SCG3: variants seen among roughly 807,000 people sequenced by gnomAD.
SCG3 encodes the protein secretogranin III, also known as secretogranin-3.
In SCG3, 38 loss-of-function variants were observed where a neutral mutation model predicts 56.2. The ratio of observed to expected loss-of-function variants is 0.68; its 90% CI spans 0.52 to 0.89. The LOEUF is 0.89. Ranked by LOEUF, SCG3 falls within the 40% of genes least tolerant of loss-of-function variation. The pLI, the probability that SCG3 is intolerant of heterozygous loss-of-function variation, is 0.00. For missense variants in SCG3, 524 were observed against 540.7 expected (o/e 0.97, Z 0.31); for synonymous variants, 176 against 184.2 (o/e 0.96, Z 0.36).
intron 4 of SCG3, among the ~76,000 whole-genome samples, chr15:51,686,917 C>G (rs1406305030): frequency 2.0e-5 from 3 of 152,074 alleles, no homozygotes; most frequent in Non-Finnish European, 4.4e-5. Context: ...CTGCATATAC[C>G]TCTATTTTCA....
chr15:51,699,450 T>C, intron 9 of SCG3, 48 bp downstream of exon 9: 1 of 1,178,322 alleles, frequency 8.5e-7, no homozygotes, highest in African/African-American at 1.6e-5. Context: ...ATAACCCTTT[T>C]GAGTGGTAAA....
Position 51,720,494 on chromosome 15 carries a change from T to C in SCG3, c.*968T>C, listed in dbSNP as rs971228780. ...GTGGCGCAAGGTCCTCTTGAAATGT[T>C]AATGGTTAATGTTCCCAAACCAGAG... On this transcript the variant is annotated 3_prime_UTR_variant, in exon 12 of 12. Transcript: ENST00000220478. 1 of 152,284 alleles carries C rather than the reference T, an allele frequency of 6.6e-6. No individual in the cohort carries two copies. Among genetic ancestry groups the C allele is most frequent in the Non-Finnish European group, 1.5e-5 (1 of 68,060 alleles). 9.4% of individuals were successfully genotyped at this position (152,284 alleles called of 1,614,324 possible).
intron 1 of SCG3, among the ~76,000 whole-genome samples, 164 bp from the exon 2 acceptor site, chr15:51,682,353 T>G (rs946059189): frequency 1.1e-4 from 17 of 152,168 alleles, no homozygotes; most frequent in African/African-American, 3.9e-4. Flanking sequence ...ATAATTACTA[T>G]TATTGTATAA....
In SCG3 at chr15:51,682,564, GA is replaced by G; in HGVS notation, c.132del (p.Glu44AspfsTer32). On this transcript the variant is annotated frameshift_variant, in exon 2 of 12. Transcript: ENST00000220478. LOFTEE classifies it high-confidence loss of function. ...ATTAAGTGCAGAAAGACCTTTGAAT[GA>G]ACAGGTAGGTCAAAAGTAACATTAT... is the stretch of plus-strand genomic sequence containing the variant. ...RELSAERPLN[E>X]QIAEAEEDKI... 7.0e-7 allele frequency: 1 copy of G among 1,420,964 alleles called. No homozygotes were observed. 88.0% of individuals were successfully genotyped at this position (1,420,964 alleles called of 1,614,324 possible).
chr15:51,712,908 A>G (rs2055429763), intron 10 of SCG3, among the ~76,000 whole-genome samples: 1 of 152,160 alleles, frequency 6.6e-6, no homozygotes, highest in African/African-American at 2.4e-5. Context: ...AAGTGATGGA[A>G]TCTTTAAGTA....
chr15:51,687,782 G>A (rs1427474985), intron 4 of SCG3, among the ~76,000 whole-genome samples: 2 of 152,172 alleles, frequency 1.3e-5, no homozygotes, highest in African/African-American at 2.4e-5. Context: ...CTGGGTGTGA[G>A]GTAGAAGTCC....
chr15:51,692,371 A>G (rs1348235687), intron 7 of SCG3, 35 bp downstream of exon 7: 1 of 1,570,068 alleles, frequency 6.4e-7, no homozygotes, highest in South Asian at 1.2e-5. Context: ...TGTGGAACAG[A>G]AAGAGTGATT....
At chr15:51,694,249 T>C (rs1027375656) in intron 7 of SCG3, among the ~76,000 whole-genome samples, 1 of 151,902 alleles carries the variant, frequency 6.6e-6, no homozygotes, top group African/African-American at 2.4e-5. Context: ...CAAAATATCA[T>C]CTCTGTTGCT....
Position 51,688,249 on chromosome 15 carries a change from G to A in SCG3, c.398-11G>A, listed in dbSNP as rs377094445. ...ATCACTATGGTGTGAAGTTGTGGTC[G>A]TTCTGTCTAGATGATCCAGATGGTC... On this transcript the variant is annotated splice_polypyrimidine_tract_variant and intron_variant, in intron 4 of 11. Coordinates refer to ENST00000220478, the MANE Select transcript of SCG3 (RefSeq NM_013243.4). 131 of 1,607,298 alleles carry A rather than the reference G, an allele frequency of 8.2e-5. No homozygotes were observed. Among genetic ancestry groups the A allele is most frequent in the African/African-American group, 5.5e-4 (41 of 74,898 alleles).
In SCG3 at chr15:51,689,369, G is replaced by T; in HGVS notation, c.690+1G>T. The T allele has an allele frequency of 1.9e-6, 3 of 1,609,346 alleles. No homozygotes were observed. The highest frequency in any genetic ancestry group is 2.5e-6 in the Non-Finnish European group (3 of 1,178,098). On this transcript the variant is annotated splice_donor_variant, in intron 6 of 11. Transcript: ENST00000220478. LOFTEE classifies it high-confidence loss of function. ...GGCTGGAAAAATACCAGAGAAAGTG[G>T]TATGTATGTGTATATATGCATATGC... is the stretch of plus-strand genomic sequence containing the variant.
intron 10 of SCG3, among the ~76,000 whole-genome samples, chr15:51,706,741 C>G (rs1399889410): frequency 2.6e-5 from 4 of 151,994 alleles, no homozygotes; most frequent in Non-Finnish European, 4.4e-5. Context: ...GTTTACAAAG[C>G]ACGTTTCTAT....
chr15:51,711,005 T>C (rs1446933667), intron 10 of SCG3, among the ~76,000 whole-genome samples: 1 of 152,146 alleles, frequency 6.6e-6, no homozygotes, highest in East Asian at 1.9e-4. Context: ...GAAGCACCAC[T>C]GCAGGGTAGG....
At chr15:51,706,194 T>C (rs1002612768) in intron 10 of SCG3, among the ~76,000 whole-genome samples, 35 of 152,028 alleles carry the variant, frequency 2.3e-4, no homozygotes, top group Non-Finnish European at 3.5e-4. Flanking sequence ...TCCATGTGAG[T>C]GGAGGCAGGG....
At chr15:51,698,995 C>T (rs1455908555) in intron 8 of SCG3, among the ~76,000 whole-genome samples, 1 of 152,180 alleles carries the variant, frequency 6.6e-6, no homozygotes, top group Non-Finnish European at 1.5e-5. Context: ...GCAGTTACCA[C>T]AAGGTGTTGA....
intron 11 of SCG3, among the ~76,000 whole-genome samples, chr15:51,713,876 TG>T (rs2055436866): frequency 6.6e-6 from 1 of 152,188 alleles, no homozygotes; most frequent in African/African-American, 2.4e-5. Flanking sequence ...GTGCCAGAGA[TG>T]TCCCGCCCAA....
chr15:51,692,251 G>A lies in SCG3; in HGVS notation c.783G>A (p.Arg261=), dbSNP rs769263335. The change falls in exon 7 of 12, where the codon AGG becomes AGA. Residue 261 remains arginine, a synonymous_variant. Coordinates refer to ENST00000220478, the MANE Select transcript of SCG3 (RefSeq NM_013243.4). ...TAACCTTGACAAATGGCTTGGAAAG[G>A]AGAACTAAAACCTACAGTGAAGACA... The part of the protein sequence containing the change: ...NTLTLTNGLE[R]RTKTYSEDNF... The A allele has an allele frequency of 1.4e-5, 23 of 1,613,980 alleles. No individual in the cohort carries two copies. The highest frequency in any genetic ancestry group is 1.9e-5 in the Non-Finnish European group (22 of 1,179,976).
chr15:51,715,850 G>A (rs2055451292), intron 11 of SCG3, among the ~76,000 whole-genome samples: 1 of 151,738 alleles, frequency 6.6e-6, no homozygotes, highest in South Asian at 2.1e-4. Flanking sequence ...ATCTGTCTTT[G>A]GGAGTCTGCA....
intron 11 of SCG3, among the ~76,000 whole-genome samples, chr15:51,715,911 G>A (rs923019541): frequency 2.0e-5 from 3 of 151,728 alleles, no homozygotes; most frequent in East Asian, 3.9e-4. Flanking sequence ...AGGCTGGAGT[G>A]CAGTGGCACG....
intron 8 of SCG3, among the ~76,000 whole-genome samples, chr15:51,697,769 A>G (rs148959271): frequency 0.011 from 1,706 of 152,376 alleles, 34 homozygotes; most frequent in African/African-American, 0.039. Context: ...AATATTGTTT[A>G]TCAAGACTTA....
Sources: allele counts gnomAD v4.1 joint callset (sites outside exome capture counted in the v4.1 genomes callset), GRCh38; gene constraint gnomAD v4.1.1; transcripts MANE v1.5; gene names NCBI Gene and HGNC (gene_info 2026-07-23, HGNC 2026-07-21).